NCAPG2: variants seen among roughly 807,000 people sequenced by gnomAD.
NCAPG2 encodes the protein non-SMC condensin II complex subunit G2, also known as condensin-2 complex subunit G2.
In NCAPG2, 53 loss-of-function variants were observed where a neutral mutation model predicts 141.1. The ratio of observed to expected loss-of-function variants is 0.38; its 90% CI spans 0.30 to 0.47. The LOEUF is 0.47. NCAPG2 is among the 20% of genes least tolerant of loss of function. The pLI, the probability that NCAPG2 is intolerant of heterozygous loss-of-function variation, is 0.99. For synonymous variants in NCAPG2, 499 were observed against 490.7 expected, an observed-to-expected ratio of 1.02 and a Z score of -0.22; for missense variants, 1,087 against 1,389.0, an observed-to-expected ratio of 0.78 and a Z score of 3.46.
At chr7:158,694,099 T>C (rs1835289910) in intron 2 of NCAPG2, among the ~76,000 whole-genome samples, 2 of 152,214 alleles carry the variant, frequency 1.3e-5, no homozygotes, top group South Asian at 2.1e-4. Context: ...TTATAACCAG[T>C]TGAATGAAAT....
At chr7:158,676,100 T>C (rs1364756953) in intron 11 of NCAPG2, among the ~76,000 whole-genome samples, 1 of 152,074 alleles carries the variant, frequency 6.6e-6, no homozygotes, top group Non-Finnish European at 1.5e-5. Context: ...AAACAGACAA[T>C]GAGGCAATAA....
chr7:158,641,664 T>C lies in NCAPG2; in HGVS notation c.3380+2625A>G, dbSNP rs117970333. The C allele has an allele frequency of 4.8e-3, 2,124 of 438,704 alleles. 35 individuals carry two copies. Among genetic ancestry groups the C allele is most frequent in the East Asian group, 0.035 (1,025 of 29,144 alleles). 27.2% of individuals were successfully genotyped at this position (438,704 alleles called of 1,614,324 possible). ...ATTTCAGGCAGAGCAGAATTCACAG[T>C]AAGAAGAATTATCAGAGATAAAGAA... is the stretch of plus-strand genomic sequence containing the variant. On this transcript the variant is annotated intron_variant, in intron 27 of 27. Coordinates refer to ENST00000356309, the MANE Select transcript of NCAPG2 (RefSeq NM_017760.7).
At chr7:158,638,538 C>T (rs903320720) in intron 27 of NCAPG2, among the ~76,000 whole-genome samples, 2 of 152,138 alleles carry the variant, frequency 1.3e-5, no homozygotes, top group African/African-American at 4.8e-5. Context: ...CCATGCCCAG[C>T]CAACATTGTT....
At chr7:158,703,940 C>T (rs1186195569) in intron 1 of NCAPG2, among the ~76,000 whole-genome samples, 1 of 152,144 alleles carries the variant, frequency 6.6e-6, no homozygotes, top group South Asian at 2.1e-4. Flanking sequence ...AGGGCAGTAC[C>T]GACACCCAGG....
chr7:158,634,952 C>T (rs1200755917), intron 27 of NCAPG2, among the ~76,000 whole-genome samples: 1 of 152,186 alleles, frequency 6.6e-6, no homozygotes, highest in African/African-American at 2.4e-5. Context: ...ACAAGACACA[C>T]AGACCAGACC....
chr7:158,686,444 C>T (rs557973196), intron 7 of NCAPG2, among the ~76,000 whole-genome samples: 5 of 152,230 alleles, frequency 3.3e-5, no homozygotes, highest in African/African-American at 7.2e-5. Context: ...ACTGAAGTGA[C>T]GAACTATTTC....
chr7:158,645,593 C>A lies in NCAPG2; in HGVS notation c.3206G>T (p.Cys1069Phe). The change falls in exon 26 of 28, where the codon TGT becomes TTT. Residue 1069 changes from cysteine to phenylalanine, a missense_variant. Cys to Phe is a radical substitution (Grantham distance 205). Coordinates refer to ENST00000356309, the MANE Select transcript of NCAPG2 (RefSeq NM_017760.7). Reference protein sequence around the residue: ...VRSFLDELKACVASNDIEGIV... With the variant: ...VRSFLDELKAFVASNDIEGIV... ...GCCTTCAATATCATTAGAAGCCACA[C>A]ATGCCTTTAATTCATCCAAAAATGA... 6.2e-6 allele frequency: 10 copies of A among 1,614,202 alleles called. No individual in the cohort carries two copies. Among genetic ancestry groups the A allele is most frequent in the Non-Finnish European group, 8.5e-6 (10 of 1,180,016 alleles).
intron 13 of NCAPG2, among the ~76,000 whole-genome samples, chr7:158,666,530 T>A (rs1206365725): frequency 1.3e-5 from 2 of 151,582 alleles, no homozygotes; most frequent in Non-Finnish European, 2.9e-5. Context: ...AGTGATTAAG[T>A]ACAAGATCAT....
intron 24 of NCAPG2, among the ~76,000 whole-genome samples, chr7:158,647,310 CCACT>C (rs1231451420): frequency 6.6e-6 from 1 of 152,178 alleles, no homozygotes; most frequent in Non-Finnish European, 1.5e-5. Context: ...TGGCCTCCAC[CCACT>C]CAATGCCTGG....
chr7:158,652,005 T>G (rs1357597576), intron 23 of NCAPG2, among the ~76,000 whole-genome samples: 1 of 152,220 alleles, frequency 6.6e-6, no homozygotes, highest in Non-Finnish European at 1.5e-5. Flanking sequence ...CCTGAACTCT[T>G]GGGATCCTGT....
At chr7:158,665,483 G>T (rs1244766171) in intron 13 of NCAPG2, 1 of 152,182 alleles carries the variant, frequency 6.6e-6, no homozygotes, top group African/African-American at 2.4e-5. Flanking sequence ...CCTGCCTCGG[G>T]CTCCTCACCT....
In NCAPG2 at chr7:158,659,329, CA is replaced by C. The variant is rs34735258; in HGVS notation, c.1990-922del. Among the ~76,000 whole-genome samples, 247 of 85,708 alleles carry C rather than the reference CA, an allele frequency of 2.9e-3. 1 individual carries two copies. Among genetic ancestry groups the C allele is most frequent in the African/African-American group, 5.9e-3 (141 of 24,010 alleles). 56.2% of individuals were successfully genotyped at this position (85,708 alleles called of 152,430 possible). On this transcript the variant is annotated intron_variant, in intron 16 of 27. Coordinates refer to ENST00000356309, the MANE Select transcript of NCAPG2 (RefSeq NM_017760.7). ...GGGTGACAAGAGCAAGACTCCATCT[CA>C]AAAAAAAAAAAAAAAAGAAGAAAAA...
intron 21 of NCAPG2, 57 bp downstream of exon 21, chr7:158,655,061 C>G: frequency 6.6e-7 from 1 of 1,520,990 alleles, no homozygotes; most frequent in Non-Finnish European, 8.8e-7. Flanking sequence ...AAAATGAAAT[C>G]CTGAAACATA....
In NCAPG2 at chr7:158,658,325, A is replaced by T; in HGVS notation, c.2060+13T>A. On this transcript the variant is annotated intron_variant, in intron 17 of 27. Transcript: ENST00000356309. ...TCCTACTTTTCTACCGTACCAAAAA[A>T]CAGAGCAAATACCTGAATGGGGGGA... 2.5e-6 allele frequency: 4 copies of T among 1,602,512 alleles called. No individual in the cohort carries two copies. Among genetic ancestry groups the T allele is most frequent in the Non-Finnish European group, 3.4e-6 (4 of 1,174,300 alleles).
chr7:158,679,782 T>C (rs540438229), intron 11 of NCAPG2, among the ~76,000 whole-genome samples, 178 bp downstream of exon 11: 11 of 152,348 alleles, frequency 7.2e-5, no homozygotes, highest in East Asian at 3.9e-4. Flanking sequence ...CACGCTGTTA[T>C]AGAAGGCCCC....
chr7:158,689,259 CT>C (rs1316708832), intron 6 of NCAPG2, among the ~76,000 whole-genome samples: 1 of 152,006 alleles, frequency 6.6e-6, no homozygotes, highest in Non-Finnish European at 1.5e-5. Context: ...TATTAATGAG[CT>C]ATTTTATGTT....
At chr7:158,649,042 G>A (rs887052756) in intron 24 of NCAPG2, among the ~76,000 whole-genome samples, 3 of 152,226 alleles carry the variant, frequency 2.0e-5, no homozygotes, top group Non-Finnish European at 4.4e-5. Context: ...CCCATGTGGG[G>A]GTGAGGTTTT....
At chr7:158,685,571 C>T (rs976517178) in intron 8 of NCAPG2, among the ~76,000 whole-genome samples, 2 of 152,118 alleles carry the variant, frequency 1.3e-5, no homozygotes, top group African/African-American at 4.8e-5. Flanking sequence ...TAAATCATCT[C>T]TAGATTACTT....
intron 27 of NCAPG2, among the ~76,000 whole-genome samples, chr7:158,635,246 C>A (rs1436598464): frequency 6.6e-6 from 1 of 151,844 alleles, no homozygotes; most frequent in South Asian, 2.1e-4. Flanking sequence ...AAAAAGCATC[C>A]AGCCTCAAAT....
Sources: allele counts gnomAD v4.1 joint callset (sites outside exome capture counted in the v4.1 genomes callset), GRCh38; gene constraint gnomAD v4.1.1; transcripts MANE v1.5; gene names NCBI Gene and HGNC (gene_info 2026-07-23, HGNC 2026-07-21).